The following TMEM182 variants were observed in gnomAD, a reference collection of about 807,000 sequenced individuals.
TMEM182 encodes transmembrane protein 182.
A neutral mutation model predicts 26.8 loss-of-function variants in TMEM182; 20 were observed. That is an observed-to-expected ratio of 0.75 (90% CI 0.53 to 1.09). The LOEUF (loss-of-function observed/expected upper bound fraction) is 1.09. Among genes scored for constraint, TMEM182 ranks in the 50% least tolerant of loss-of-function variants. The pLI is 0.00. For synonymous variants in TMEM182, 109 were observed against 102.2 expected (o/e 1.07, Z -0.40); for missense variants, 277 against 275.5 (o/e 1.01, Z -0.04).
At chr2:102,828,078 C>G (rs944788210) in intron 3 of TMEM182, among the ~76,000 whole-genome samples, 36 of 152,100 alleles carry the variant, frequency 2.4e-4, no homozygotes, top group Non-Finnish European at 5.3e-4. Context: ...GCAACAGAGA[C>G]TCCATCTCAT....
At chr2:102,795,568 G>T (rs1028087210) in intron 3 of TMEM182, among the ~76,000 whole-genome samples, 1 of 152,076 alleles carries the variant, frequency 6.6e-6, no homozygotes, top group African/African-American at 2.4e-5. Flanking sequence ...ACCCTGGGGC[G>T]CACACCACTC....
intron 3 of TMEM182, among the ~76,000 whole-genome samples, chr2:102,780,641 C>T (rs1426322001): frequency 6.6e-6 from 1 of 152,142 alleles, no homozygotes; most frequent in Non-Finnish European, 1.5e-5. Context: ...TGGAGGGTGA[C>T]CTCATGACCA....
intron 3 of TMEM182, among the ~76,000 whole-genome samples, chr2:102,784,919 G>A (rs1681325962): frequency 6.6e-6 from 1 of 152,102 alleles, no homozygotes; most frequent in Non-Finnish European, 1.5e-5. Context: ...TTTATGACTT[G>A]TATTTTGTTC....
chr2:102,739,616 C>T (rs138326915), intron 1 of TMEM182, among the ~76,000 whole-genome samples: 20 of 152,274 alleles, frequency 1.3e-4, no homozygotes, highest in African/African-American at 4.3e-4. Flanking sequence ...CTTGCTCCTG[C>T]TCCTGCCACG....
rs75595497 is a variant in TMEM182, at chr2:102,797,790, C to T, written c.332-73C>T. The T allele has an allele frequency of 3.1e-4, 476 of 1,521,772 alleles. 5 individuals are homozygous for T. In the East Asian group the frequency reaches 0.011, roughly 34 times the overall value. The allele number at this position is 1,521,772 out of a possible 1,614,324, so 94.3% of individuals were successfully genotyped here. ...GAAAAATGAAGATGAAAGCAACTGACTGTGACAATCTGCTGTGTACACAAT... is the reference window on the plus strand; with the variant it reads ...GAAAAATGAAGATGAAAGCAACTGATTGTGACAATCTGCTGTGTACACAAT... On this transcript the variant is annotated intron_variant, in intron 3 of 4. Transcript: ENST00000412401.
chr2:102,803,113 T>C (rs1682214889), intron 4 of TMEM182, among the ~76,000 whole-genome samples: 1 of 152,164 alleles, frequency 6.6e-6, no homozygotes, highest in South Asian at 2.1e-4. Flanking sequence ...AAGGGTATCT[T>C]TGCAGTGTAG....
chr2:102,838,710 T>A (rs1291571413), intron 3 of TMEM182, among the ~76,000 whole-genome samples: 1 of 152,050 alleles, frequency 6.6e-6, no homozygotes, highest in Non-Finnish European at 1.5e-5. Flanking sequence ...AGTTCAGACG[T>A]GTGTTCTGGG....
chr2:102,835,595 T>C (rs1158213638), intron 3 of TMEM182, among the ~76,000 whole-genome samples: 1 of 152,238 alleles, frequency 6.6e-6, no homozygotes, highest in African/African-American at 2.4e-5. Flanking sequence ...AAATCCTCTG[T>C]GTTCCATCTG....
intron 3 of TMEM182, among the ~76,000 whole-genome samples, chr2:102,768,152 A>G (rs1368669778): frequency 6.6e-6 from 1 of 152,166 alleles, no homozygotes. Context: ...GTTTTAAATT[A>G]TTTACTCATG....
chr2:102,753,042 T>C (rs1372206119), intron 1 of TMEM182, among the ~76,000 whole-genome samples: 1 of 152,266 alleles, frequency 6.6e-6, no homozygotes, highest in Non-Finnish European at 1.5e-5. Flanking sequence ...AAAATAGATC[T>C]ATCTCTGTAA....
In TMEM182 at chr2:102,816,675, T is replaced by C. The variant is rs1479860240; in HGVS notation, c.*1707T>C. The C allele has an allele frequency of 3.0e-6, 3 of 985,706 alleles. No individual in the cohort carries two copies. Among genetic ancestry groups the C allele is most frequent in the South Asian group, 4.7e-5 (1 of 21,290 alleles). 61.1% of individuals were successfully genotyped at this position (985,706 alleles called of 1,614,324 possible). ...CTTCATTTACTTCTTTGCTTTTGGC[T>C]TTGTTATTAGAAAAAATAATTATGA... On this transcript the variant is annotated 3_prime_UTR_variant, in exon 5 of 5. Coordinates refer to ENST00000412401, the MANE Select transcript of TMEM182 (RefSeq NM_144632.5).
intron 1 of TMEM182, among the ~76,000 whole-genome samples, chr2:102,742,275 A>AGC (rs1679566239): frequency 6.6e-6 from 1 of 152,212 alleles, no homozygotes; most frequent in Non-Finnish European, 1.5e-5. Context: ...TAGATTGGAT[A>AGC]TAACCAGGGA....
At chr2:102,830,609 T>G (rs1409784515) in intron 3 of TMEM182, among the ~76,000 whole-genome samples, 3 of 152,196 alleles carry the variant, frequency 2.0e-5, no homozygotes, top group Admixed American at 6.5e-5. Flanking sequence ...TGAGATGTTC[T>G]GATACTGGCA....
intron 4 of TMEM182, among the ~76,000 whole-genome samples, chr2:102,802,901 T>C (rs1682206394): frequency 6.6e-6 from 1 of 152,186 alleles, no homozygotes. Context: ...AGCCTTTTCT[T>C]AAATGGCAAA....
chr2:102,760,152 C>T (rs373595768), upstream of TMEM182, among the ~76,000 whole-genome samples: 7 of 152,026 alleles, frequency 4.6e-5, no homozygotes, highest in East Asian at 3.8e-4. Flanking sequence ...AAAACCAGAA[C>T]GGAGAGGAGG....
chr2:102,800,125 TTGTAAAAGCCTTTTTTAC>T (rs1235816812), intron 4 of TMEM182, among the ~76,000 whole-genome samples: 1 of 152,206 alleles, frequency 6.6e-6, no homozygotes, highest in Non-Finnish European at 1.5e-5. Context: ...GAGCTCTTCA[TTGTAAAAGCCTTTTTTAC>T]TGAGATGTAA....
At chr2:102,789,942 A>G (rs1681563846) in intron 3 of TMEM182, among the ~76,000 whole-genome samples, 1 of 152,086 alleles carries the variant, frequency 6.6e-6, no homozygotes, top group South Asian at 2.1e-4. Flanking sequence ...CTTCTGCCCC[A>G]TGAATTGTAG....
intron 1 of TMEM182, among the ~76,000 whole-genome samples, chr2:102,751,149 G>A (rs948336569): frequency 3.3e-5 from 5 of 152,104 alleles, no homozygotes; most frequent in Non-Finnish European, 5.9e-5. Flanking sequence ...TTTAATAGGC[G>A]CAAGAAAGAG....
intron 3 of TMEM182, among the ~76,000 whole-genome samples, chr2:102,781,603 G>A (rs928545827): frequency 6.6e-6 from 1 of 152,136 alleles, no homozygotes; most frequent in African/African-American, 2.4e-5. Flanking sequence ...AGGGATAAGA[G>A]TAGGGGCCAG....
Sources: allele counts gnomAD v4.1 joint callset (sites outside exome capture counted in the v4.1 genomes callset), GRCh38; gene constraint gnomAD v4.1.1; transcripts MANE v1.5; gene names NCBI Gene and HGNC (gene_info 2026-07-23, HGNC 2026-07-21).